GRID2: variants seen among roughly 807,000 people sequenced by gnomAD.
GRID2 encodes the protein glutamate ionotropic receptor delta type subunit 2.
Under a neutral mutation model 114.8 loss-of-function variants are expected in GRID2, and 33 were observed. The observed-to-expected ratio is 0.29, with a 90% CI of 0.22 to 0.38. GRID2 has a LOEUF of 0.38. Among genes scored for constraint, GRID2 ranks in the 10% least tolerant of loss-of-function variants. The probability of loss-of-function intolerance (pLI) is 1.00; values close to 1 mark genes in which losing one functional copy is unlikely to be tolerated. For synonymous variants in GRID2, 505 were observed against 449.9 expected (o/e 1.12, Z -1.55); for missense variants, 1,184 against 1,257.7 (o/e 0.94, Z 0.89).
At position 93,514,478 on chromosome 4, in the gene GRID2, A is replaced by G. The variant is rs1005631444; in HGVS notation, c.1998-738A>G. 2.6e-5 allele frequency among the ~76,000 whole-genome samples: 4 copies of G among 151,328 alleles called. No individual in the cohort carries two copies. In the East Asian group the frequency reaches 5.9e-4, roughly 22 times the overall value. On this transcript the variant is annotated intron_variant, in intron 12 of 15. Transcript: ENST00000282020. The stretch of plus-strand genomic sequence containing the variant: ...ACACACACAATGCTAAAGCAAATAT[A>G]GCAAACGAAATATAGAAATAACAAC...
intron 2 of GRID2, among the ~76,000 whole-genome samples, chr4:92,607,577 A>G (rs1729519212): frequency 6.6e-6 from 1 of 151,888 alleles, no homozygotes; most frequent in African/African-American, 2.4e-5. Context: ...ATGAGAAAGT[A>G]ACGAGTTACA....
At chr4:92,578,721 T>TATCTATCA (rs201601093) in intron 1 of GRID2, among the ~76,000 whole-genome samples, 44 of 138,496 alleles carry the variant, frequency 3.2e-4, no homozygotes, top group South Asian at 9.4e-4. Flanking sequence ...TATCATTATC[T>TATCTATCA]ATCTATCTAT....
intron 1 of GRID2, among the ~76,000 whole-genome samples, chr4:92,573,383 T>C (rs1268638619): frequency 4.6e-5 from 7 of 152,190 alleles, no homozygotes. Flanking sequence ...CTTGGTTCTC[T>C]AGTTCTTTTG....
At chr4:93,166,224 A>C (rs1738233727) in intron 4 of GRID2, 1 of 152,212 alleles carries the variant, frequency 6.6e-6, no homozygotes, top group Non-Finnish European at 1.5e-5. Context: ...TAAAAATTTT[A>C]GTATCTATCT....
At chr4:92,909,784 T>G (rs934598543) in intron 2 of GRID2, among the ~76,000 whole-genome samples, 1 of 152,170 alleles carries the variant, frequency 6.6e-6, no homozygotes, top group South Asian at 2.1e-4. Context: ...GCATTTTTTA[T>G]GTTAAAAATT....
chr4:93,294,106 T>G (rs1242236453), intron 8 of GRID2, among the ~76,000 whole-genome samples: 2 of 152,072 alleles, frequency 1.3e-5, no homozygotes, highest in African/African-American at 4.8e-5. Context: ...ATGACTGAGA[T>G]AAAAGTAAAG....
At chr4:92,896,375 G>A (rs1233147658) in intron 2 of GRID2, among the ~76,000 whole-genome samples, 1 of 152,054 alleles carries the variant, frequency 6.6e-6, no homozygotes, top group East Asian at 1.9e-4. Context: ...GCATACCAGG[G>A]AATTTTGGTT....
chr4:92,638,594 G>A (rs1731188171), intron 2 of GRID2, among the ~76,000 whole-genome samples: 1 of 149,540 alleles, frequency 6.7e-6, no homozygotes, highest in Admixed American at 6.7e-5. Flanking sequence ...TGAAATTCGA[G>A]AGTACTAAGT....
At chr4:93,701,502 G>A (rs1727503882) in intron 14 of GRID2, among the ~76,000 whole-genome samples, 1 of 152,048 alleles carries the variant, frequency 6.6e-6, no homozygotes, top group Non-Finnish European at 1.5e-5. Flanking sequence ...GGGAGCAAAT[G>A]CTTAGAAAAC....
At chr4:93,705,899 G>T (rs949157155) in intron 14 of GRID2, among the ~76,000 whole-genome samples, 2 of 152,030 alleles carry the variant, frequency 1.3e-5, no homozygotes, top group African/African-American at 2.4e-5. Flanking sequence ...TCTGCATATG[G>T]ATATCCAGTT....
intron 14 of GRID2, among the ~76,000 whole-genome samples, chr4:93,752,097 T>C (rs1441433059): frequency 6.6e-6 from 1 of 152,100 alleles, no homozygotes; most frequent in East Asian, 1.9e-4. Context: ...CTATTGCAAA[T>C]GGACTCCACT....
chr4:92,864,812 T>G (rs1359793466), intron 2 of GRID2, among the ~76,000 whole-genome samples: 1 of 152,158 alleles, frequency 6.6e-6, no homozygotes, highest in Non-Finnish European at 1.5e-5. Context: ...AACAAAGACA[T>G]CTTATCTCAA....
intron 2 of GRID2, among the ~76,000 whole-genome samples, chr4:92,934,030 T>A (rs1750445741): frequency 6.6e-6 from 1 of 151,834 alleles, no homozygotes; most frequent in South Asian, 2.1e-4. Flanking sequence ...TTTGTAAATT[T>A]TTATTTTAAT....
At chr4:93,073,175 T>C (rs1001878142) in intron 2 of GRID2, among the ~76,000 whole-genome samples, 4 of 152,200 alleles carry the variant, frequency 2.6e-5, no homozygotes, top group Non-Finnish European at 5.9e-5. Context: ...CGACTAGTGA[T>C]GCTGGAAGTG....
intron 2 of GRID2, among the ~76,000 whole-genome samples, chr4:92,754,291 A>C (rs904668343): frequency 6.6e-6 from 1 of 152,102 alleles, no homozygotes; most frequent in Non-Finnish European, 1.5e-5. Context: ...TGAGTTGGGG[A>C]AAGATTAAGA....
intron 2 of GRID2, among the ~76,000 whole-genome samples, chr4:92,886,129 A>G (rs1746351774): frequency 6.6e-6 from 1 of 152,146 alleles, no homozygotes; most frequent in Non-Finnish European, 1.5e-5. Flanking sequence ...AATAAGCCTC[A>G]AGAGGCCTAT....
At chr4:93,184,005 G>A in intron 4 of GRID2, among the ~76,000 whole-genome samples, 1 of 152,198 alleles carries the variant, frequency 6.6e-6, no homozygotes, top group East Asian at 1.9e-4. Flanking sequence ...CACATTATTT[G>A]CTGTAGGGCG....
At chr4:93,313,731 A>G (rs1385768055) in intron 8 of GRID2, among the ~76,000 whole-genome samples, 2 of 152,198 alleles carry the variant, frequency 1.3e-5, no homozygotes, top group African/African-American at 2.4e-5. Flanking sequence ...ATAATCAGTT[A>G]TGAGATGCCA....
chr4:92,538,079 GTTAC>G (rs1182324235), intron 1 of GRID2, among the ~76,000 whole-genome samples: 6 of 151,720 alleles, frequency 4.0e-5, no homozygotes, highest in Non-Finnish European at 2.9e-5. Flanking sequence ...GTATTTATTA[GTTAC>G]TTACTATAGA....
Sources: allele counts gnomAD v4.1 joint callset (sites outside exome capture counted in the v4.1 genomes callset), GRCh38; gene constraint gnomAD v4.1.1; transcripts MANE v1.5; gene names NCBI Gene and HGNC (gene_info 2026-07-23, HGNC 2026-07-21).